CRADD: variants seen among roughly 807,000 people sequenced by gnomAD.
CRADD encodes CARD and death domain containing adaptor protein.
Under a neutral mutation model 15.5 loss-of-function variants are expected in CRADD, and 9 were observed. The observed-to-expected ratio is 0.58, with a 90% CI of 0.35 to 1.01. The LOEUF (loss-of-function observed/expected upper bound fraction) is 1.01, where lower values mean the gene tolerates loss of function less well. Ranked by LOEUF, CRADD falls within the 50% of genes least tolerant of loss-of-function variation. The pLI is 0.02. For missense variants in CRADD, 227 were observed against 250.3 expected (o/e 0.91, Z 0.63); for synonymous variants, 118 against 107.6 (o/e 1.10, Z -0.60).
Position 93,784,174 on chromosome 12 carries a change from T to G in CRADD, c.299-65796T>G, listed in dbSNP as rs111909923. ...ATTATACTAATGGTTCTGACGTTGT[T>G]TCCTTCAAGAATCGAGGCGCTAAAT... On this transcript the variant is annotated intron_variant, in intron 2 of 2. Transcript: ENST00000332896. Among the ~76,000 whole-genome samples the G allele has an allele frequency of 1.9e-3, 286 of 152,282 alleles. 2 individuals are homozygous for G. The highest frequency in any genetic ancestry group is 5.9e-3 in the African/African-American group (244 of 41,560).
At chr12:93,785,098 T>A (rs926461894) in intron 2 of CRADD, among the ~76,000 whole-genome samples, 10 of 150,922 alleles carry the variant, frequency 6.6e-5, no homozygotes, top group African/African-American at 1.2e-4. Context: ...CTTTTTTTTT[T>A]AAAATAGGAA....
At chr12:93,722,672 AT>A (rs981725529) in intron 2 of CRADD, among the ~76,000 whole-genome samples, 67 of 151,104 alleles carry the variant, frequency 4.4e-4, no homozygotes, top group East Asian at 1.2e-3. Flanking sequence ...GATCCTTAAC[AT>A]TTTTTTTTCT....
At chr12:93,872,274 T>C (rs955400270) in intron 2 of CRADD, among the ~76,000 whole-genome samples, 1 of 152,140 alleles carries the variant, frequency 6.6e-6, no homozygotes, top group South Asian at 2.1e-4. Context: ...ATTTTTCCTA[T>C]AGAGTTGGAA....
chr12:93,884,239 C>T (rs1449825153), intron 2 of CRADD, among the ~76,000 whole-genome samples: 2 of 152,216 alleles, frequency 1.3e-5, no homozygotes, highest in East Asian at 1.9e-4. Context: ...CAATAACCTC[C>T]ATTACAAGTT....
At chr12:93,756,809 C>T (rs1471416448) in intron 2 of CRADD, among the ~76,000 whole-genome samples, 1 of 152,226 alleles carries the variant, frequency 6.6e-6, no homozygotes, top group East Asian at 1.9e-4. Context: ...TATCAGGGAA[C>T]TTCCAGGCAG....
At chr12:93,712,570 A>G (rs187723747) in intron 2 of CRADD, among the ~76,000 whole-genome samples, 127 of 152,374 alleles carry the variant, frequency 8.3e-4, no homozygotes, top group African/African-American at 2.9e-3. Context: ...TAGTTGTTCA[A>G]AATGGGTTTT....
At chr12:93,769,933 C>T (rs1042799976) in intron 2 of CRADD, among the ~76,000 whole-genome samples, 4 of 152,142 alleles carry the variant, frequency 2.6e-5, no homozygotes, top group Non-Finnish European at 4.4e-5. Flanking sequence ...TCTTCTTCCA[C>T]TCTGTGGCTT....
chr12:93,769,484 G>T (rs1286512250), intron 2 of CRADD, among the ~76,000 whole-genome samples: 1 of 152,160 alleles, frequency 6.6e-6, no homozygotes, highest in Admixed American at 6.5e-5. Flanking sequence ...TGGCATACGT[G>T]TGCAGTTTTA....
chr12:93,779,808 C>T (rs1035995716), intron 2 of CRADD, among the ~76,000 whole-genome samples: 1 of 152,074 alleles, frequency 6.6e-6, no homozygotes, highest in Non-Finnish European at 1.5e-5. Flanking sequence ...AGGCTGGTCT[C>T]GAACTCCTGA....
intron 2 of CRADD, among the ~76,000 whole-genome samples, chr12:93,772,998 A>T (rs1957100804): frequency 1.3e-5 from 2 of 152,196 alleles, no homozygotes; most frequent in South Asian, 4.1e-4. Context: ...TTAGAGATGC[A>T]TAGGTTCAAA....
At chr12:93,871,574 C>T (rs1260858110) in intron 2 of CRADD, among the ~76,000 whole-genome samples, 1 of 152,130 alleles carries the variant, frequency 6.6e-6, no homozygotes, top group Non-Finnish European at 1.5e-5. Flanking sequence ...CCACGACCTT[C>T]CCAGCCTCTG....
At chr12:93,847,788 A>G (rs945350450) in intron 2 of CRADD, among the ~76,000 whole-genome samples, 2 of 152,252 alleles carry the variant, frequency 1.3e-5, no homozygotes, top group African/African-American at 4.8e-5. Flanking sequence ...GAGGAAATGT[A>G]AAGTAATTAT....
At position 93,869,075 on chromosome 12, in the gene CRADD, A is replaced by C. The variant is rs141991214; in HGVS notation, c.299-24975A>C. Among the ~76,000 whole-genome samples, 1,261 of 152,322 alleles carry C rather than the reference A, an allele frequency of 8.3e-3. 6 individuals carry two copies. The highest frequency in any genetic ancestry group is 0.013 in the Non-Finnish European group (881 of 68,014). The stretch of plus-strand genomic sequence containing the variant: ...CTAGTACTGGAGAGATACAGTTTGA[A>C]GTTAAAATCTCACCAAATTAGTGGG... On this transcript the variant is annotated intron_variant, in intron 2 of 2. Coordinates refer to the CRADD transcript ENST00000548483.
In CRADD at chr12:93,761,559, T is replaced by C. The variant is rs531774004; in HGVS notation, c.298+82487T>C. 3.2e-4 allele frequency among the ~76,000 whole-genome samples: 49 copies of C among 152,224 alleles called. No homozygotes were observed. The South Asian group carries it at 9.5e-3, about 30-fold the overall frequency. On this transcript the variant is annotated intron_variant, in intron 2 of 2. Transcript: ENST00000332896. ...ATTAGGGACGACGAAAGGAAGGTGG[T>C]ACAGGTGGGAGGAGGATCTGCAGAC... is the stretch of plus-strand genomic sequence containing the variant.
intron 2 of CRADD, chr12:93,714,968 C>T (rs1039278723): frequency 6.6e-6 from 1 of 152,152 alleles, no homozygotes; most frequent in Non-Finnish European, 1.5e-5. Context: ...AGAACAGGGT[C>T]TGCCGCAGAT....
At chr12:93,881,037 G>A (rs1282105338) in intron 2 of CRADD, among the ~76,000 whole-genome samples, 1 of 152,196 alleles carries the variant, frequency 6.6e-6, no homozygotes, top group Non-Finnish European at 1.5e-5. Context: ...AAGGGTCCAA[G>A]AAAGCCAACT....
chr12:93,860,110 A>G (rs2137058432), intron 2 of CRADD, among the ~76,000 whole-genome samples: 1 of 148,858 alleles, frequency 6.7e-6, no homozygotes, highest in Admixed American at 6.8e-5. Context: ...AAATTCTTCA[A>G]CTTTTAAGAG....
At chr12:93,710,325 T>TCCTTATTCTCC (rs1225228042) in intron 2 of CRADD, among the ~76,000 whole-genome samples, 2 of 150,940 alleles carry the variant, frequency 1.3e-5, no homozygotes, top group Non-Finnish European at 2.9e-5. Context: ...TAAGGAAGCT[T>TCCTTATTCTCC]TTACTTCATT....
intron 2 of CRADD, among the ~76,000 whole-genome samples, chr12:93,871,588 A>G (rs114936344): frequency 0.01 from 1,536 of 152,204 alleles, 31 homozygotes; most frequent in African/African-American, 0.035. Flanking sequence ...GCCTCTGGTT[A>G]CCATCCTTCT....
Sources: gnomAD v4.1 joint callset for allele counts (sites outside exome capture counted in the v4.1 genomes callset) on GRCh38, gnomAD v4.1.1 for gene constraint, MANE v1.5 for transcripts, NCBI Gene and HGNC (gene_info 2026-07-23, HGNC 2026-07-21) for gene names.